The following GSTM3 variants were observed in gnomAD, a reference collection of about 807,000 sequenced individuals.
GSTM3 encodes glutathione S-transferase mu 3, also known as GST class-mu 3.
In GSTM3, 34 loss-of-function variants were observed where a neutral mutation model predicts 36.1. The ratio of observed to expected loss-of-function variants is 0.94; its 90% CI spans 0.72 to 1.25. The LOEUF (loss-of-function observed/expected upper bound fraction) is 1.25, where lower values mean the gene tolerates loss of function less well. GSTM3 is among the 50% of genes most tolerant of loss of function. The probability of loss-of-function intolerance (pLI) is 0.00; values close to 1 mark genes in which losing one functional copy is unlikely to be tolerated. For synonymous variants in GSTM3, 102 were observed against 99.5 expected (o/e 1.03, Z -0.15); for missense variants, 266 against 281.6 (o/e 0.94, Z 0.40).
Position 109,737,522 on chromosome 1 carries a change from G to C in GSTM3, c.514C>G (p.Arg172Gly). The C allele has an allele frequency of 6.2e-7, 1 of 1,613,440 alleles. No homozygotes were observed. Among genetic ancestry groups the C allele is most frequent in the South Asian group, 1.1e-5 (1 of 91,058 alleles). The change falls in exon 8 of 9, where the codon CGT becomes GGT. Residue 172 changes from arginine (R) to glycine (G), a missense_variant. By Grantham distance (125) the Arg-to-Gly change is moderately radical (BLOSUM62 -2). Transcript: ENST00000361066. ...FLTYDILDQN[R>G]IFDPKCLDEF... ...TCCAGGCACTTGGGGTCAAATATAC[G>C]GTTCTGATCCAAGATATCATAGGTG...
intron 3 of GSTM3, 55 bp downstream of exon 3, chr1:109,739,778 G>A: frequency 1.5e-6 from 2 of 1,342,778 alleles, no homozygotes; most frequent in Non-Finnish European, 2.1e-6. Flanking sequence ...GGCGTAAGAA[G>A]ACCAGGGCAG....
chr1:109,734,722 T>G lies in GSTM3; in HGVS notation c.*2349A>C, dbSNP rs1649154547. ...GATACTGGCCTGAACACCTAATCCC[T>G]GCTCACAGGGGGTGGCAAAACATGG... On this transcript the variant is annotated 3_prime_UTR_variant, in exon 9 of 9. Transcript: ENST00000361066. 6.6e-6 allele frequency: 1 copy of G among 152,270 alleles called. No homozygotes were observed. Among genetic ancestry groups the G allele is most frequent in the Admixed American group, 6.5e-5 (1 of 15,284 alleles). 9.4% of individuals were successfully genotyped at this position (152,270 alleles called of 1,614,324 possible).
In GSTM3 at chr1:109,737,771, TGAG is replaced by T; in HGVS notation, c.373-23_373-21del. On this transcript the variant is annotated intron_variant, in intron 6 of 8. Transcript: ENST00000361066. ...TTTTTCCTGAGAGGAAAAAACAGAA[TGAG>T]AATAGTGGTGATCATCTTTGTAGTT... 2 of 1,373,776 alleles carry T rather than the reference TGAG, an allele frequency of 1.5e-6. No homozygotes were observed. Among genetic ancestry groups the T allele is most frequent in the Non-Finnish European group, 2.1e-6 (2 of 973,492 alleles). The allele number at this position is 1,373,776 out of a possible 1,614,324, so 85.1% of individuals were successfully genotyped here.
At position 109,740,073 on chromosome 1, in the gene GSTM3, C is replaced by G. The variant is rs1341751275; in HGVS notation, c.49-165G>C. ...GCGTGGTCTCCTCCGCCCCTCCCCA[C>G]AGGGCCCGCGATCCCAGAGGCTGGG... On this transcript the variant is annotated intron_variant, in intron 2 of 8. Coordinates refer to ENST00000361066, the MANE Select transcript of GSTM3 (RefSeq NM_000849.5). 5.7e-6 allele frequency: 5 copies of G among 878,964 alleles called. No individual in the cohort carries two copies. In the Admixed American group the frequency reaches 8.7e-5, roughly 15 times the overall value. 54.4% of individuals were successfully genotyped at this position (878,964 alleles called of 1,614,324 possible).
In GSTM3 at chr1:109,739,094, C is replaced by T. The variant is rs200268902; in HGVS notation, c.189+335G>A. On this transcript the variant is annotated intron_variant, in intron 4 of 8. Coordinates refer to ENST00000361066, the MANE Select transcript of GSTM3 (RefSeq NM_000849.5). ...TGTGATTGCGCCACTGCACTCCAGC[C>T]TGAGCGACAGAGTGAGACACTGTCT... Among the ~76,000 whole-genome samples the T allele has an allele frequency of 9.9e-5, 15 of 152,260 alleles. No individual in the cohort carries two copies. The East Asian group carries it at 2.3e-3, about 24-fold the overall frequency.
Position 109,736,052 on chromosome 1 carries a change from A to G in GSTM3, c.*1019T>C, listed in dbSNP as rs1166826552. 5 of 152,358 alleles carry G rather than the reference A, an allele frequency of 3.3e-5. No individual in the cohort carries two copies. The highest frequency in any genetic ancestry group is 5.9e-5 in the Non-Finnish European group (4 of 68,040). 9.4% of individuals were successfully genotyped at this position (152,358 alleles called of 1,614,324 possible). ...TTACAACTTGACCAGCAGGAAATGC[A>G]TATCACTTTCCTAAGCCTTGCCAAC... On this transcript the variant is annotated 3_prime_UTR_variant, in exon 9 of 9. Transcript: ENST00000361066.
At position 109,735,759 on chromosome 1, in the gene GSTM3, C is replaced by T. The variant is rs56266876; in HGVS notation, c.*1312G>A. On this transcript the variant is annotated 3_prime_UTR_variant, in exon 9 of 9. Transcript: ENST00000361066. ...CCAGGTTCAAGCAATTCTCCTGCCT[C>T]AGCCTCCTGAGTAGCTGGGACTATA... 0.037 allele frequency: 5,564 copies of T among 150,802 alleles called. 329 individuals carry two copies. Among genetic ancestry groups the T allele is most frequent in the African/African-American group, 0.12 (5,099 of 41,084 alleles). 9.3% of individuals were successfully genotyped at this position (150,802 alleles called of 1,614,324 possible). A position where few individuals can be genotyped will look rare whatever the true frequency, so the allele number is the denominator to read the frequency against.
At position 109,739,884 on chromosome 1, in the gene GSTM3, G is replaced by T; in HGVS notation, c.73C>A (p.Leu25Met). Reference protein sequence around the residue: ...RGLAHAIRLLLEFTDTSYEEK... With the variant: ...RGLAHAIRLLMEFTDTSYEEK... ...TCATAAGAGGTATCCGTGAACTCCA[G>T]GAGCAGGCGGATGGCGTGCGCCAGC... is the stretch of plus-strand genomic sequence containing the variant. The change falls in exon 3 of 9, where the codon CTG becomes ATG. Residue 25 changes from leucine (L) to methionine (M), a missense_variant. By Grantham distance (15) the Leu-to-Met change is conservative. Transcript: ENST00000361066. The T allele has an allele frequency of 6.4e-7, 1 of 1,555,380 alleles. No homozygotes were observed. The highest frequency in any genetic ancestry group is 8.7e-7 in the Non-Finnish European group (1 of 1,148,760).
chr1:109,736,833 C>A lies in GSTM3; in HGVS notation c.*238G>T. 2.1e-6 allele frequency: 1 copy of A among 475,142 alleles called. No homozygotes were observed. The highest frequency in any genetic ancestry group is 3.8e-6 in the Non-Finnish European group (1 of 263,994). 29.4% of individuals were successfully genotyped at this position (475,142 alleles called of 1,614,324 possible). ...CTAGTACCCACTCTCAGGGCTTGGG[C>A]ATGAACCTACAGCCCTTGAACTCAG... On this transcript the variant is annotated 3_prime_UTR_variant, in exon 9 of 9. Coordinates refer to ENST00000361066, the MANE Select transcript of GSTM3 (RefSeq NM_000849.5).
Position 109,737,952 on chromosome 1 carries a change from A to G in GSTM3, c.372+139T>C, listed in dbSNP as rs541287490. 4.8e-5 allele frequency: 33 copies of G among 690,824 alleles called. No homozygotes were observed. The South Asian group carries it at 5.4e-4, about 11-fold the overall frequency. The allele number at this position is 690,824 out of a possible 1,614,324, so 42.8% of individuals were successfully genotyped here. On this transcript the variant is annotated intron_variant, in intron 6 of 8. Coordinates refer to ENST00000361066, the MANE Select transcript of GSTM3 (RefSeq NM_000849.5). ...TACATGACAAAACAAACCAAAAAAT[A>G]TAAGTTCTGTTTCTTATTCTAACAA...
chr1:109,739,824 C>A lies in GSTM3; in HGVS notation c.124+9G>T. ...AGCTTGGCTGCACGGGCACGCGGAG[C>A]GGCATTACCTTCCCCGCACGTGTAC... is the stretch of plus-strand genomic sequence containing the variant. On this transcript the variant is annotated intron_variant, in intron 3 of 8. Transcript: ENST00000361066. 3 of 1,540,436 alleles carry A rather than the reference C, an allele frequency of 1.9e-6. No individual in the cohort carries two copies. The highest frequency in any genetic ancestry group is 2.6e-6 in the Non-Finnish European group (3 of 1,136,496).
Position 109,738,308 on chromosome 1 carries a change from T to C in GSTM3, c.248A>G (p.Tyr83Cys). Residue 83 changes from tyrosine to cysteine, a missense_variant, in exon 5 of 9, where the codon TAC (tyrosine) becomes TGC (cysteine). Physicochemically the swap from Tyr to Cys is radical, Grantham distance 194. Transcript: ENST00000361066. Reference sequence around the variant, plus strand: ...ACACATGTTGTGCTTGCGAGCGATGTAGCGCAAGATGGCATTGCTCTGGGT... The same window carrying C: ...ACACATGTTGTGCTTGCGAGCGATGCAGCGCAAGATGGCATTGCTCTGGGT... ...KITQSNAILR[Y>C]IARKHNMCGE... is the part of the protein sequence containing the mutation. 1 of 1,613,898 alleles carries C rather than the reference T, an allele frequency of 6.2e-7. No individual in the cohort carries two copies. Among genetic ancestry groups the C allele is most frequent in the Non-Finnish European group, 8.5e-7 (1 of 1,179,728 alleles).
chr1:109,737,118 GC>G lies in GSTM3; in HGVS notation c.630del (p.Met210IlefsTer45). ...CACTGGGCCATCTTGTTGTTGATGG[GC>G]ATCTTGCAGAACTGATCAGACTGTA... ...AYLQSDQFCK[M>X]PINNKMAQWG... On this transcript the variant is annotated frameshift_variant, in exon 9 of 9. Transcript: ENST00000361066. LOFTEE classifies it high-confidence loss of function. 1 of 1,613,650 alleles carries G rather than the reference GC, an allele frequency of 6.2e-7. No individual in the cohort carries two copies. Among genetic ancestry groups the G allele is most frequent in the South Asian group, 1.1e-5 (1 of 91,076 alleles).
intron 4 of GSTM3, 48 bp downstream of exon 4, chr1:109,739,381 A>T: frequency 7.6e-7 from 1 of 1,307,192 alleles, no homozygotes; most frequent in Non-Finnish European, 1.1e-6. Flanking sequence ...GGATGGATAT[A>T]CTTGAAGGCT....
At chr1:109,737,228 C>G (rs1196456314) in intron 8 of GSTM3, 59 bp from the exon 9 acceptor site, 9 of 1,168,038 alleles carry the variant, frequency 7.7e-6, no homozygotes, top group Non-Finnish European at 5.2e-6. Flanking sequence ...CAGATGCATA[C>G]CAGAACAGCA....
chr1:109,735,765 C>A lies in GSTM3; in HGVS notation c.*1306G>T, dbSNP rs1024131466. 1.3e-5 allele frequency: 2 copies of A among 151,286 alleles called. No individual in the cohort carries two copies. Among genetic ancestry groups the A allele is most frequent in the African/African-American group, 4.9e-5 (2 of 41,112 alleles). The allele number at this position is 151,286 out of a possible 1,614,324, so 9.4% of individuals were successfully genotyped here. On this transcript the variant is annotated 3_prime_UTR_variant, in exon 9 of 9. Coordinates refer to ENST00000361066, the MANE Select transcript of GSTM3 (RefSeq NM_000849.5). ...TCAAGCAATTCTCCTGCCTCAGCCTCCTGAGTAGCTGGGACTATAGGCACA... is the reference window on the plus strand; with the variant it reads ...TCAAGCAATTCTCCTGCCTCAGCCTACTGAGTAGCTGGGACTATAGGCACA...
intron 4 of GSTM3, 41 bp downstream of exon 4, chr1:109,739,388 G>C (rs1649301024): frequency 7.0e-7 from 1 of 1,426,876 alleles, no homozygotes; most frequent in Non-Finnish European, 9.9e-7. Flanking sequence ...TATACTTGAA[G>C]GCTTTCCCTT....
rs1649207694 is a variant in GSTM3, at chr1:109,736,629, C to T, written c.*442G>A. The stretch of plus-strand genomic sequence containing the variant: ...TGTCCCAACTCTATTGGCTAGCCCA[C>T]CAGTCTGAAATACTGCCTTTATCAC... On this transcript the variant is annotated 3_prime_UTR_variant, in exon 9 of 9. Transcript: ENST00000361066. The T allele has an allele frequency of 6.5e-6, 1 of 153,644 alleles. No homozygotes were observed. The highest frequency in any genetic ancestry group is 6.5e-5 in the Admixed American group (1 of 15,384). The allele number at this position is 153,644 out of a possible 1,614,324, so 9.5% of individuals were successfully genotyped here. A position where few individuals can be genotyped will look rare whatever the true frequency, so the allele number is the denominator to read the frequency against.
rs1238837667 is a variant in GSTM3 at position 109,739,416 on chromosome 1, T to G, written c.189+13A>C. 2 of 1,602,654 alleles carry G rather than the reference T, an allele frequency of 1.2e-6. No individual in the cohort carries two copies. The highest frequency in any genetic ancestry group is 1.1e-5 in the South Asian group (1 of 90,706). On this transcript the variant is annotated intron_variant, in intron 4 of 8. Coordinates refer to ENST00000361066, the MANE Select transcript of GSTM3 (RefSeq NM_000849.5). The stretch of plus-strand genomic sequence containing the variant: ...TTTCCCTTCTGCCCGCCACCTCTAC[T>G]AAAGCCACTTACATTAGGAAAGTCC...
Sources: allele counts gnomAD v4.1 joint callset (sites outside exome capture counted in the v4.1 genomes callset), GRCh38; gene constraint gnomAD v4.1.1; transcripts MANE v1.5; gene names NCBI Gene and HGNC (gene_info 2026-07-23, HGNC 2026-07-21).